EVPL: variants seen among roughly 807,000 people sequenced by gnomAD.
EVPL encodes the protein 210 kDa cornified envelope precursor protein.
EVPL carries 94 observed loss-of-function variants against 129.7 expected under a neutral mutation model. The ratio of observed to expected loss-of-function variants is 0.72; its 90% CI spans 0.61 to 0.86. The LOEUF is 0.86. EVPL is among the 40% of genes least tolerant of loss of function. The pLI is 0.00. For synonymous variants in EVPL, 1,172 were observed against 1,191.1 expected, an observed-to-expected ratio of 0.98 and a Z score of 0.33; for missense variants, 2,625 against 2,721.1, an observed-to-expected ratio of 0.96 and a Z score of 0.79.
chr17:76,018,808 G>A, intron 11 of EVPL, 106 bp downstream of exon 11: 1 of 1,378,524 alleles, frequency 7.3e-7, no homozygotes, highest in African/African-American at 1.5e-5. Context: ...GGCAAAAGTG[G>A]GCGCAGGAGA....
chr17:76,018,069 C>A, intron 13 of EVPL, 92 bp downstream of exon 13: 1 of 1,532,968 alleles, frequency 6.5e-7, no homozygotes, highest in Admixed American at 2.0e-5. Context: ...GTCCCTAACC[C>A]AAGGCGACCC....
chr17:76,008,628 A>T lies in EVPL; in HGVS notation c.4577T>A (p.Val1526Glu), dbSNP rs1342364549. 6.2e-7 allele frequency: 1 copy of T among 1,612,150 alleles called. No homozygotes were observed. The highest frequency in any genetic ancestry group is 8.5e-7 in the Non-Finnish European group (1 of 1,179,978). The change falls in exon 22 of 22, where the codon GTG becomes GAG. Residue 1526 changes from valine (V) to glutamate (E), a missense_variant. Around this residue, in one of 4 missense-constraint regions of EVPL, gnomAD observed 1,453 missense variants for 1,511.8 expected, o/e 0.96. Coordinates refer to ENST00000301607, the MANE Select transcript of EVPL (RefSeq NM_001988.4). The surrounding 1 kb of genome is among the most constrained non-coding windows in gnomAD (Gnocchi z 7.4). Reference sequence around the variant, plus strand: ...ATCTTCCAGGACGCGGTCCTTCTGCACCCGGATCACTTCCTTGTAGATGGT... The same window carrying T: ...ATCTTCCAGGACGCGGTCCTTCTGCTCCCGGATCACTTCCTTGTAGATGGT... ...EKTIYKEVIR[V>E]QKDRVLEDER...
chr17:76,010,252 G>A lies in EVPL; in HGVS notation c.2953C>T (p.Arg985Trp), dbSNP rs772307405. 19 of 1,613,958 alleles carry A rather than the reference G, an allele frequency of 1.2e-5. No individual in the cohort carries two copies. The highest frequency in any genetic ancestry group is 1.1e-4 in the South Asian group (10 of 91,086). ...VKAQVEEEGK[R>W]RAGLQADLEV... The stretch of plus-strand genomic sequence containing the variant: ...AGGTCTGCCTGCAGGCCAGCCCGCC[G>A]CTTGCCCTCCTCCTCCACCTGGGCC... Residue 985 changes from arginine to tryptophan, a missense_variant, in exon 22 of 22, where the codon CGG becomes TGG. Arg to Trp is a moderately radical substitution (Grantham distance 101, BLOSUM62 -3). Transcript: ENST00000301607.
In EVPL at chr17:76,018,250, G is replaced by A. The variant is rs1373466807; in HGVS notation, c.1448C>T (p.Ser483Leu). 7.8e-6 allele frequency: 12 copies of A among 1,546,140 alleles called. No individual in the cohort carries two copies. The highest frequency in any genetic ancestry group is 1.2e-5 in the South Asian group (1 of 83,766). ...DAVARASRLA[S>L]ELQALKQKLA... Reference sequence around the variant, plus strand: ...TTTCTGCTTCAGGGCCTGCAGCTCTGAGGCCAGCCTAGAATGAAGAGGAGA... The same window carrying A: ...TTTCTGCTTCAGGGCCTGCAGCTCTAAGGCCAGCCTAGAATGAAGAGGAGA... The change falls in exon 13 of 22, where the codon TCA becomes TTA. Residue 483 changes from serine (S) to leucine (L), a missense_variant. By Grantham distance (145) the Ser-to-Leu change is moderately radical (BLOSUM62 -2). Coordinates refer to ENST00000301607, the MANE Select transcript of EVPL (RefSeq NM_001988.4).
chr17:76,017,922 A>G lies in EVPL; in HGVS notation c.1538-11T>C. On this transcript the variant is annotated splice_polypyrimidine_tract_variant and intron_variant, in intron 13 of 21. Transcript: ENST00000301607. ...CTGAGCCAGATGGAGCTGGGGGCAG[A>G]GGTGCTGGTGAGGGCCCAGGGCCTA... The G allele has an allele frequency of 6.2e-7, 1 of 1,613,712 alleles. No individual in the cohort carries two copies. Among genetic ancestry groups the G allele is most frequent in the Non-Finnish European group, 8.5e-7 (1 of 1,179,888 alleles).
At position 76,009,661 on chromosome 17, in the gene EVPL, C is replaced by A. The variant is rs200577963; in HGVS notation, c.3544G>T (p.Val1182Leu). Reference protein sequence around the residue: ...ELSDLHSKYSVVEKQRPKVQL... With the variant: ...ELSDLHSKYSLVEKQRPKVQL... The stretch of plus-strand genomic sequence containing the variant: ...ACTTTGGGCCTCTGCTTCTCCACCA[C>A]GCTGTACTTGCTGTGCAGGTCGCTC... Residue 1182 changes from valine (V) to leucine (L), a missense_variant, in exon 22 of 22, where the codon GTG (valine) becomes TTG (leucine). By Grantham distance (32) the Val-to-Leu change is conservative. Around this residue, in one of 4 missense-constraint regions of EVPL, gnomAD observed 1,453 missense variants for 1,511.8 expected, o/e 0.96. Coordinates refer to ENST00000301607, the MANE Select transcript of EVPL (RefSeq NM_001988.4). The surrounding 1 kb of genome is among the most constrained non-coding windows in gnomAD (Gnocchi z 5.9). 5 of 1,613,782 alleles carry A rather than the reference C, an allele frequency of 3.1e-6. No homozygotes were observed. In the South Asian group the frequency reaches 3.3e-5, roughly 11 times the overall value.
In EVPL at chr17:76,010,411, G is replaced by A. The variant is rs778693535; in HGVS notation, c.2794C>T (p.Gln932Ter). ...CTCCTCTGCGCCTCCAGCTCATGCTGCACCCGGGCCACCCGCTTCCTCTCC... is the reference window on the plus strand; with the variant it reads ...CTCCTCTGCGCCTCCAGCTCATGCTACACCCGGGCCACCCGCTTCCTCTCC... ...EEERKRVARV[Q>*]HELEAQRSQL... Residue 932 changes from glutamine (Q) to a stop codon, truncating the protein, a stop_gained, in exon 22 of 22, where the codon CAG (glutamine) becomes TAG (stop). Coordinates refer to ENST00000301607, the MANE Select transcript of EVPL (RefSeq NM_001988.4). LOFTEE classifies it low-confidence loss of function (END_TRUNC). 1 of 1,613,886 alleles carries A rather than the reference G, an allele frequency of 6.2e-7. No individual in the cohort carries two copies. Among genetic ancestry groups the A allele is most frequent in the Admixed American group, 1.7e-5 (1 of 60,002 alleles).
Position 76,018,914 on chromosome 17 carries a change from T to G in EVPL, c.1284A>C (p.Glu428Asp). Residue 428 changes from glutamate to aspartate, a missense_variant and splice_region_variant, in exon 11 of 22, where the codon GAA becomes GAC. Glu to Asp is a conservative substitution (Grantham distance 45). This residue lies in a region of EVPL where 1,024 missense variants were observed against 997.5 expected (regional missense o/e 1.03). Transcript: ENST00000301607. The stretch of plus-strand genomic sequence containing the variant: ...AGGGGTGAGGTGGGGGAGTTCGCAC[T>G]TCTCCTGAGTCCCAGTCGCAGATGC... ...VDSICDWDSGEVQLLQGERYK... is the reference protein window; with the variant it reads ...VDSICDWDSGDVQLLQGERYK... 1.3e-6 allele frequency: 2 copies of G among 1,525,912 alleles called. No homozygotes were observed. Among genetic ancestry groups the G allele is most frequent in the Non-Finnish European group, 1.8e-6 (2 of 1,138,484 alleles). 94.5% of individuals were successfully genotyped at this position (1,525,912 alleles called of 1,614,324 possible). A position where few individuals can be genotyped will look rare whatever the true frequency, so the allele number is the denominator to read the frequency against.
In EVPL at chr17:76,008,080, C is replaced by G. The variant is rs540087731; in HGVS notation, c.5125G>C (p.Asp1709His). Residue 1709 changes from aspartate to histidine, a missense_variant, in exon 22 of 22, where the codon GAC becomes CAC. Around this residue, in one of 4 missense-constraint regions of EVPL, gnomAD observed 1,453 missense variants for 1,511.8 expected, o/e 0.96. Coordinates refer to ENST00000301607, the MANE Select transcript of EVPL (RefSeq NM_001988.4). This position sits in a 1 kb window ranked among gnomAD's most constrained non-coding sequence, Gnocchi z 7.4. ...TGCAGCTGCAAGTACTGGCCCCTGT[C>G]GATGATGCCCCTCTTGTAGGCCTCG... ...PYEAYKRGII[D>H]RGQYLQLQEL... is the part of the protein sequence containing the mutation. The G allele has an allele frequency of 6.2e-7, 1 of 1,614,074 alleles. No individual in the cohort carries two copies. Among genetic ancestry groups the G allele is most frequent in the South Asian group, 1.1e-5 (1 of 91,066 alleles).
intron 21 of EVPL, 30 bp from the exon 22 acceptor site, chr17:76,010,573 G>A (rs776150423): frequency 1.3e-6 from 2 of 1,583,244 alleles, no homozygotes; most frequent in Non-Finnish European, 1.7e-6. Context: ...TAGAGCACGG[G>A]GTGGGCGGTA....
In EVPL at chr17:76,006,994, T is replaced by C; in HGVS notation, c.*109A>G. 1 of 1,181,968 alleles carries C rather than the reference T, an allele frequency of 8.5e-7. No individual in the cohort carries two copies. The highest frequency in any genetic ancestry group is 1.1e-6 in the Non-Finnish European group (1 of 931,164). 73.2% of individuals were successfully genotyped at this position (1,181,968 alleles called of 1,614,324 possible). On this transcript the variant is annotated 3_prime_UTR_variant, in exon 22 of 22. Coordinates refer to ENST00000301607, the MANE Select transcript of EVPL (RefSeq NM_001988.4). Reference sequence around the variant, plus strand: ...GTTAGTAAAATAATAAAACAGTGGTTGGACAGAGGGAAGACCCACTGCCTG... The same window carrying C: ...GTTAGTAAAATAATAAAACAGTGGTCGGACAGAGGGAAGACCCACTGCCTG...
Position 76,015,461 on chromosome 17 carries a change from G to A in EVPL, c.1878C>T (p.Leu626=), listed in dbSNP as rs371775383. Residue 626 remains leucine, a synonymous_variant, in exon 15 of 22, where the codon CTC becomes CTT. Transcript: ENST00000301607. ...CCCAGAGCACTCACTTCTCCCCGTA[G>A]AGGCTGCACAGAACCTGCACGTCAC... ...KFSDVQVLCS[L]YGEKAKAALD... is the part of the protein sequence containing the mutation. The A allele has an allele frequency of 9.3e-6, 15 of 1,612,860 alleles. No homozygotes were observed. The African/African-American group carries it at 1.7e-4, about 19-fold the overall frequency.
chr17:76,012,105 C>A lies in EVPL; in HGVS notation c.2374-16G>T, dbSNP rs1299884235. 7.5e-6 allele frequency: 12 copies of A among 1,601,830 alleles called. No individual in the cohort carries two copies. The highest frequency in any genetic ancestry group is 1.0e-5 in the Non-Finnish European group (12 of 1,175,110). On this transcript the variant is annotated splice_polypyrimidine_tract_variant and intron_variant, in intron 18 of 21. Transcript: ENST00000301607. ...GCGTCAGCCTCTGCCAGGGAAGAAC[C>A]CAGAGTCAGGAGGCCAGGAAATGCC... is the stretch of plus-strand genomic sequence containing the variant.
rs1169772730 is a variant in EVPL at position 76,018,607 on chromosome 17, G to T, written c.1285-7C>A. ...CACCCTGCAGCAGCTGCACCTGGGG[G>T]CACAGAAAGGGAGCAGCTCCTGAGG... On this transcript the variant is annotated splice_polypyrimidine_tract_variant and splice_region_variant and intron_variant, in intron 11 of 21. Coordinates refer to ENST00000301607, the MANE Select transcript of EVPL (RefSeq NM_001988.4). 1 of 1,594,130 alleles carries T rather than the reference G, an allele frequency of 6.3e-7. No individual in the cohort carries two copies. The highest frequency in any genetic ancestry group is 2.3e-5 in the East Asian group (1 of 44,398).
chr17:76,027,070 C>T (rs568313197), intron 1 of EVPL, 31 bp downstream of exon 1: 92 of 1,309,522 alleles, frequency 7.0e-5, no homozygotes, highest in Non-Finnish European at 9.2e-5. Context: ...CACCCCAGTT[C>T]CCCGGCTCCC....
chr17:76,018,402 G>C lies in EVPL; in HGVS notation c.1439+44C>G, dbSNP rs745690004. The C allele has an allele frequency of 2.5e-6, 4 of 1,580,518 alleles. No homozygotes were observed. In the African/African-American group the frequency reaches 5.4e-5, roughly 21 times the overall value. On this transcript the variant is annotated intron_variant, in intron 12 of 21. Coordinates refer to ENST00000301607, the MANE Select transcript of EVPL (RefSeq NM_001988.4). ...GGCTTGGACACCGCAGGGCCGGCCTGCTCTGCCCACAGCCTGCCCCTGAGT... is the reference window on the plus strand; with the variant it reads ...GGCTTGGACACCGCAGGGCCGGCCTCCTCTGCCCACAGCCTGCCCCTGAGT...
At chr17:76,021,607 GT>G in intron 8 of EVPL, 44 bp from the exon 9 acceptor site, 7 of 1,119,670 alleles carry the variant, frequency 6.3e-6, no homozygotes, top group Non-Finnish European at 8.2e-6. Flanking sequence ...CCCCCCCCAC[GT>G]CCGCCCCACC....
At position 76,022,322 on chromosome 17, in the gene EVPL, A is replaced by C. The variant is rs1199650760; in HGVS notation, c.606+91T>G. 3 of 1,601,664 alleles carry C rather than the reference A, an allele frequency of 1.9e-6. No homozygotes were observed. The highest frequency in any genetic ancestry group is 1.3e-5 in the African/African-American group (1 of 74,790). On this transcript the variant is annotated intron_variant, in intron 5 of 21. Transcript: ENST00000301607. This position sits in a 1 kb window ranked among gnomAD's most constrained non-coding sequence, Gnocchi z 5.6. ...GGCCAGCCATACCCCACCCACCCCT[A>C]TCCCCAGGGCCCAGCCGATCTAGCT...
intron 1 of EVPL, among the ~76,000 whole-genome samples, chr17:76,025,585 G>T (rs2066492967): frequency 6.6e-6 from 1 of 152,178 alleles, no homozygotes; most frequent in African/African-American, 2.4e-5. Flanking sequence ...ACTCCACCCT[G>T]GGTGGGGCTC....
Sources: gnomAD v4.1 joint callset for allele counts (sites outside exome capture counted in the v4.1 genomes callset) on GRCh38, gnomAD v4.1.1 for gene constraint, gnomAD v4.1.1 regional missense constraint, Gnocchi (gnomAD v3.1) non-coding constraint, MANE v1.5 for transcripts, NCBI Gene and HGNC (gene_info 2026-07-23, HGNC 2026-07-21) for gene names.